The following LRP1B variants were observed in gnomAD, a reference collection of about 807,000 sequenced individuals.
LRP1B encodes low-density lipoprotein receptor-related protein 1B.
Under a neutral mutation model 556.6 loss-of-function variants are expected in LRP1B, and 217 were observed. The ratio of observed to expected loss-of-function variants is 0.39; its 90% CI spans 0.35 to 0.44. The LOEUF is 0.44. Among genes scored for constraint, LRP1B ranks in the 20% least tolerant of loss-of-function variants. The pLI, the probability that LRP1B is intolerant of heterozygous loss-of-function variation, is 1.00. For synonymous variants in LRP1B, 2,047 were observed against 1,865.8 expected, an observed-to-expected ratio of 1.10 and a Z score of -2.50; for missense variants, 5,053 against 5,620.8, an observed-to-expected ratio of 0.90 and a Z score of 3.23.
intron 3 of LRP1B, among the ~76,000 whole-genome samples, chr2:141,276,195 C>T (rs1287566161): frequency 2.0e-5 from 3 of 152,190 alleles, no homozygotes; most frequent in Non-Finnish European, 4.4e-5. Context: ...TTAATTCTCT[C>T]AACCTGTTTG....
At chr2:141,948,056 G>A (rs1193047048) in intron 1 of LRP1B, among the ~76,000 whole-genome samples, 1 of 152,064 alleles carries the variant, frequency 6.6e-6, no homozygotes, top group East Asian at 1.9e-4. Flanking sequence ...CCAGCACTTT[G>A]TGAGGCCGCC....
intron 43 of LRP1B, among the ~76,000 whole-genome samples, chr2:140,543,180 G>A (rs1324686936): frequency 1.3e-5 from 2 of 151,980 alleles, no homozygotes; most frequent in African/African-American, 2.4e-5. Flanking sequence ...ATATAAAAAT[G>A]TATACCAGCA....
At chr2:141,800,942 A>G (rs1695986589) in intron 2 of LRP1B, among the ~76,000 whole-genome samples, 1 of 152,208 alleles carries the variant, frequency 6.6e-6, no homozygotes, top group Admixed American at 6.6e-5. Flanking sequence ...CAATGACAAA[A>G]TATTTTTCAC....
chr2:140,348,440 T>C (rs981781743), intron 77 of LRP1B, among the ~76,000 whole-genome samples: 2 of 152,072 alleles, frequency 1.3e-5, no homozygotes, highest in Non-Finnish European at 2.9e-5. Flanking sequence ...CTTATAATTA[T>C]GTCATTTAGT....
chr2:141,472,996 G>C (rs904422631), intron 3 of LRP1B, among the ~76,000 whole-genome samples: 1 of 151,832 alleles, frequency 6.6e-6, no homozygotes, highest in Non-Finnish European at 1.5e-5. Context: ...CAGCTACAAC[G>C]TAGGGTCAAA....
intron 3 of LRP1B, among the ~76,000 whole-genome samples, chr2:141,336,697 A>G (rs1687860232): frequency 2.0e-5 from 3 of 152,164 alleles, no homozygotes; most frequent in Admixed American, 2.0e-4. Context: ...CCTTTGTGCT[A>G]TATCTTTCTA....
At chr2:141,294,157 A>T (rs543391245) in intron 3 of LRP1B, among the ~76,000 whole-genome samples, 1 of 152,262 alleles carries the variant, frequency 6.6e-6, no homozygotes, top group African/African-American at 2.4e-5. Context: ...TGACAAAAAT[A>T]TCTTTTTATT....
chr2:140,297,647 A>G (rs1161126234), intron 84 of LRP1B, among the ~76,000 whole-genome samples, 161 bp downstream of exon 84: 7 of 151,988 alleles, frequency 4.6e-5, no homozygotes. Flanking sequence ...TCTTTACAAT[A>G]AGAGAAAGGT....
At position 140,601,649 on chromosome 2, in the gene LRP1B, G is replaced by A. The variant is rs749724187; in HGVS notation, c.6800-10C>T. 1.3e-5 allele frequency: 20 copies of A among 1,531,920 alleles called. No homozygotes were observed. Among genetic ancestry groups the A allele is most frequent in the Middle Eastern group, 1.9e-4 (1 of 5,378 alleles). 94.9% of individuals were successfully genotyped at this position (1,531,920 alleles called of 1,614,324 possible). Reference sequence around the variant, plus strand: ...TCCACAGAACCCACATCTAGTGGGGGAAGAAAAAGAAAAAATATATACTTT... The same window carrying A: ...TCCACAGAACCCACATCTAGTGGGGAAAGAAAAAGAAAAAATATATACTTT... On this transcript the variant is annotated splice_polypyrimidine_tract_variant and intron_variant, in intron 41 of 90. Transcript: ENST00000389484.
intron 2 of LRP1B, among the ~76,000 whole-genome samples, chr2:141,584,003 T>G (rs1687041584): frequency 6.6e-6 from 1 of 151,852 alleles, no homozygotes; most frequent in Non-Finnish European, 1.5e-5. Flanking sequence ...AGCAGAAAAT[T>G]TTTGTGGCAG....
intron 1 of LRP1B, among the ~76,000 whole-genome samples, chr2:142,009,921 T>C (rs1231576694): frequency 6.6e-6 from 1 of 152,078 alleles, no homozygotes; most frequent in Non-Finnish European, 1.5e-5. Context: ...TATAGATGCA[T>C]ATGTAGATGT....
chr2:140,639,810 CG>C, intron 41 of LRP1B, among the ~76,000 whole-genome samples: 1 of 152,200 alleles, frequency 6.6e-6, no homozygotes, highest in Admixed American at 6.5e-5. Flanking sequence ...TCCCAGTCGC[CG>C]TTCTGACCTA....
At position 140,886,323 on chromosome 2, in the gene LRP1B, G is replaced by T. The variant is rs1187643609; in HGVS notation, c.3779C>A (p.Ala1260Glu). The stretch of plus-strand genomic sequence containing the variant: ...ATGACGAATAGAAAAGATGATGAAT[G>T]CTTCAAAAGGATCTGAAATTAAATT... Reference protein sequence around the residue: ...ESCTSVDPFEAFIIFSIRHEI... With the variant: ...ESCTSVDPFEEFIIFSIRHEI... Residue 1260 changes from alanine (A) to glutamate (E), a missense_variant, in exon 24 of 91, where the codon GCA (alanine) becomes GAA (glutamate). Physicochemically the swap from Ala to Glu is moderately radical, Grantham distance 107. Coordinates refer to ENST00000389484, the MANE Select transcript of LRP1B (RefSeq NM_018557.3). 1.9e-6 allele frequency: 3 copies of T among 1,565,814 alleles called. No homozygotes were observed. The highest frequency in any genetic ancestry group is 2.3e-5 in the East Asian group (1 of 43,598).
At chr2:141,650,556 T>C (rs1350975993) in intron 2 of LRP1B, among the ~76,000 whole-genome samples, 1 of 152,218 alleles carries the variant, frequency 6.6e-6, no homozygotes, top group Non-Finnish European at 1.5e-5. Context: ...TGGATTAGGA[T>C]AGGGAAGAGG....
chr2:140,541,648 G>T (rs1680136246), intron 44 of LRP1B, 131 bp downstream of exon 44: 1 of 727,680 alleles, frequency 1.4e-6, no homozygotes, highest in Non-Finnish European at 2.1e-6. Flanking sequence ...AAAATCCACA[G>T]TCATAGTAAC....
intron 35 of LRP1B, among the ~76,000 whole-genome samples, chr2:140,730,336 AG>A (rs1192158775): frequency 6.6e-6 from 1 of 152,212 alleles, no homozygotes; most frequent in Non-Finnish European, 1.5e-5. Context: ...GATGAAGTCC[AG>A]GTTCTTTAGT....
chr2:141,804,368 T>C (rs924327834), intron 2 of LRP1B, among the ~76,000 whole-genome samples: 1 of 152,150 alleles, frequency 6.6e-6, no homozygotes, highest in African/African-American at 2.4e-5. Context: ...TTTTTGACTA[T>C]TGTATTTTTA....
chr2:141,171,827 G>A (rs913292574), intron 7 of LRP1B, among the ~76,000 whole-genome samples: 5 of 152,060 alleles, frequency 3.3e-5, no homozygotes, highest in African/African-American at 4.8e-5. Flanking sequence ...GAAACACTGT[G>A]AAGATTGCGT....
intron 2 of LRP1B, among the ~76,000 whole-genome samples, chr2:141,755,422 C>T (rs576671260): frequency 6.6e-6 from 1 of 151,994 alleles, no homozygotes; most frequent in East Asian, 1.9e-4. Flanking sequence ...TTAGCTTAAA[C>T]TAATAATCAA....
Sources: gnomAD v4.1 joint callset for allele counts (sites outside exome capture counted in the v4.1 genomes callset) on GRCh38, gnomAD v4.1.1 for gene constraint, MANE v1.5 for transcripts, NCBI Gene and HGNC (gene_info 2026-07-23, HGNC 2026-07-21) for gene names.